KLF13: variants seen among roughly 807,000 people sequenced by gnomAD.
The protein encoded by KLF13 is Krueppel-like factor 13.
In KLF13, 8 loss-of-function variants were observed where a neutral mutation model predicts 16.7. That is an observed-to-expected ratio of 0.48 (90% confidence interval 0.28 to 0.87). The LOEUF (loss-of-function observed/expected upper bound fraction) is 0.87. KLF13 is among the 40% of genes least tolerant of loss of function. The probability of loss-of-function intolerance (pLI) is 0.10; values close to 1 mark genes in which losing one functional copy is unlikely to be tolerated. For synonymous variants in KLF13, 245 were observed against 208.4 expected, an observed-to-expected ratio of 1.18 and a Z score of -1.51; for missense variants, 447 against 452.2, an observed-to-expected ratio of 0.99 and a Z score of 0.10.
At chr15:31,364,460 C>G (rs993865363) in intron 1 of KLF13, among the ~76,000 whole-genome samples, 7 of 152,234 alleles carry the variant, frequency 4.6e-5, no homozygotes, top group Non-Finnish European at 1.0e-4. Context: ...CACCTGCCCC[C>G]CATGTCTCTT....
At chr15:31,389,887 G>A (rs945269095), upstream of KLF13, among the ~76,000 whole-genome samples, 9 of 152,056 alleles carry the variant, frequency 5.9e-5, no homozygotes, top group South Asian at 6.2e-4. Flanking sequence ...CACCACCACC[G>A]TCTCCAACCA....
intron 1 of KLF13, among the ~76,000 whole-genome samples, chr15:31,418,851 T>C (rs1001698277): frequency 6.6e-6 from 1 of 152,246 alleles, no homozygotes; most frequent in Non-Finnish European, 1.5e-5. Flanking sequence ...GGCTCACATC[T>C]GTGATCCTAG....
chr15:31,416,591 G>A (rs1187854714), intron 1 of KLF13, among the ~76,000 whole-genome samples: 1 of 152,036 alleles, frequency 6.6e-6, no homozygotes, highest in Non-Finnish European at 1.5e-5. Flanking sequence ...ACCTTTTCTT[G>A]AGAAAAACAC....
chr15:31,427,393 T>C (rs1327664946), intron 1 of KLF13, among the ~76,000 whole-genome samples: 29 of 150,626 alleles, frequency 1.9e-4, no homozygotes, highest in Admixed American at 1.6e-3. Flanking sequence ...TGTAGAAAAA[T>C]TGGAACCAGT....
chr15:31,349,088 C>T (rs568490907), intron 1 of KLF13, among the ~76,000 whole-genome samples: 192 of 152,298 alleles, frequency 1.3e-3, no homozygotes, highest in Non-Finnish European at 2.1e-3. Flanking sequence ...AAACATTCAG[C>T]CTATAGTGCC....
rs182451406 is a variant in KLF13, at chr15:31,422,680, C to A, written n.118-12690C>A. Among the ~76,000 whole-genome samples, 13 of 152,190 alleles carry A rather than the reference C, an allele frequency of 8.5e-5. No homozygotes were observed. The East Asian group carries it at 2.5e-3, about 29-fold the overall frequency. On this transcript the variant is annotated intron_variant and non_coding_transcript_variant, in intron 1 of 1. Transcript: ENST00000558225. ...GCAGTGCTGGCCAATTTATATCAGA[C>A]AAAATAGACTCTAAGACAAAAACTG...
At chr15:31,340,364 C>A (rs1476686873) in intron 1 of KLF13, among the ~76,000 whole-genome samples, 1 of 152,254 alleles carries the variant, frequency 6.6e-6, no homozygotes, top group Non-Finnish European at 1.5e-5. Context: ...CTTGTGCACA[C>A]CCCAAGCCTC....
chr15:31,383,929 TAAA>T (rs71422887), intron 1 of KLF13, among the ~76,000 whole-genome samples: 2 of 151,680 alleles, frequency 1.3e-5, no homozygotes, highest in Admixed American at 6.6e-5. Context: ...ATAAATAAAA[TAAA>T]ATAAAAATAT....
intron 1 of KLF13, among the ~76,000 whole-genome samples, chr15:31,367,614 A>G (rs2039495093): frequency 6.6e-6 from 1 of 152,182 alleles, no homozygotes. Flanking sequence ...GGCTCCTCAC[A>G]AGGGCTATTA....
chr15:31,348,364 G>A (rs2039160142), intron 1 of KLF13, among the ~76,000 whole-genome samples: 1 of 152,198 alleles, frequency 6.6e-6, no homozygotes, highest in African/African-American at 2.4e-5. Context: ...ACCACGCGTG[G>A]TACGTAGGCA....
chr15:31,349,677 G>A lies in KLF13; in HGVS notation c.577+21888G>A, dbSNP rs62037892. ...CTGGTGTCTGCAGGAGAAGTCCTCC[G>A]GGCCCATGTGAGGCGAGTATGGGCC... On this transcript the variant is annotated intron_variant, in intron 1 of 1. Transcript: ENST00000307145. 3.6e-3 allele frequency among the ~76,000 whole-genome samples: 550 copies of A among 152,306 alleles called. 2 individuals carry two copies. Among genetic ancestry groups the A allele is most frequent in the Admixed American group, 6.7e-3 (103 of 15,300 alleles).
At chr15:31,431,395 T>TA (rs1247572922) in intron 1 of KLF13, among the ~76,000 whole-genome samples, 3 of 152,214 alleles carry the variant, frequency 2.0e-5, no homozygotes, top group African/African-American at 7.2e-5. Context: ...TAGGATGGAC[T>TA]AAAAAATGTA....
At chr15:31,334,523 G>T (rs1291080908) in intron 1 of KLF13, among the ~76,000 whole-genome samples, 1 of 152,018 alleles carries the variant, frequency 6.6e-6, no homozygotes. Flanking sequence ...CGCCTCCCGG[G>T]TTCAAGTGAT....
At chr15:31,379,644 A>T (rs1006873986), downstream of KLF13, among the ~76,000 whole-genome samples, 1 of 152,204 alleles carries the variant, frequency 6.6e-6, no homozygotes, top group African/African-American at 2.4e-5. Flanking sequence ...GAACAAATGT[A>T]TGAGTGTCTC....
At chr15:31,406,392 G>A (rs753968932), downstream of KLF13, among the ~76,000 whole-genome samples, 1 of 152,168 alleles carries the variant, frequency 6.6e-6, no homozygotes, top group Admixed American at 6.5e-5. Flanking sequence ...CAGGAGAATC[G>A]CTTGAACCCG....
chr15:31,328,167 T>C (rs2140925865), intron 1 of KLF13, among the ~76,000 whole-genome samples: 1 of 147,208 alleles, frequency 6.8e-6, no homozygotes, highest in African/African-American at 2.5e-5. Context: ...CTCGTGACGG[T>C]GGGGCGCCCG....
At chr15:31,415,432 A>G (rs2040243737) in intron 1 of KLF13, among the ~76,000 whole-genome samples, 1 of 152,346 alleles carries the variant, frequency 6.6e-6, no homozygotes, top group African/African-American at 2.4e-5. Flanking sequence ...AAATAATACA[A>G]AATATGTTCT....
chr15:31,328,190 G>A (rs1413185426), intron 1 of KLF13, among the ~76,000 whole-genome samples: 2 of 150,248 alleles, frequency 1.3e-5, no homozygotes, highest in Non-Finnish European at 3.0e-5. Flanking sequence ...GCGGGGGCAG[G>A]GGACGCTCTC....
chr15:31,327,438 C>G lies in KLF13; in HGVS notation c.226C>G (p.Pro76Ala). 8.0e-7 allele frequency: 1 copy of G among 1,251,856 alleles called. No individual in the cohort carries two copies. Among genetic ancestry groups the G allele is most frequent in the South Asian group, 2.6e-5 (1 of 39,026 alleles). 77.5% of individuals were successfully genotyped at this position (1,251,856 alleles called of 1,614,324 possible). ...CCTAGCGGACCTCAACCAGCAAGCG[C>G]CGGCGCCCGCCCCGGCGGAGCGCAG... ...RILADLNQQA[P>A]APAPAERREG... Residue 76 changes from proline (P) to alanine (A), a missense_variant, in exon 1 of 2, where the codon CCG becomes GCG. Coordinates refer to ENST00000307145, the MANE Select transcript of KLF13 (RefSeq NM_015995.4).
Sources: allele counts gnomAD v4.1 joint callset (sites outside exome capture counted in the v4.1 genomes callset), GRCh38; gene constraint gnomAD v4.1.1; transcripts MANE v1.5; gene names NCBI Gene and HGNC (gene_info 2026-07-23, HGNC 2026-07-21).